Variants in LPP observed in about 807,000 individuals in gnomAD.
LPP encodes the protein lipoma-preferred partner.
A neutral mutation model predicts 60.4 loss-of-function variants in LPP; 38 were observed. The ratio of observed to expected loss-of-function variants is 0.63; its 90% CI spans 0.49 to 0.83. The LOEUF (loss-of-function observed/expected upper bound fraction) is 0.83. Ranked by LOEUF, LPP falls within the 40% of genes least tolerant of loss-of-function variation. The probability of loss-of-function intolerance (pLI) is 0.00; values close to 1 mark genes in which losing one functional copy is unlikely to be tolerated. For synonymous variants in LPP, 328 were observed against 290.8 expected (o/e 1.13, Z -1.30); for missense variants, 902 against 783.6 (o/e 1.15, Z -1.80).
chr3:188,615,880 T>C (rs1192738327), intron 7 of LPP, among the ~76,000 whole-genome samples: 1 of 152,154 alleles, frequency 6.6e-6, no homozygotes, highest in African/African-American at 2.4e-5. Context: ...CGCATAAATG[T>C]CTTATTTTGG....
At chr3:188,815,474 C>T (rs1752206978) in intron 9 of LPP, among the ~76,000 whole-genome samples, 1 of 151,586 alleles carries the variant, frequency 6.6e-6, no homozygotes, top group Non-Finnish European at 1.5e-5. Context: ...ATAATATAAG[C>T]CTGGGCTTAA....
chr3:188,547,931 T>C (rs1264246331), intron 6 of LPP, among the ~76,000 whole-genome samples: 1 of 152,222 alleles, frequency 6.6e-6, no homozygotes, highest in Non-Finnish European at 1.5e-5. Flanking sequence ...GGCTTCTTCA[T>C]GTCTAGTGTT....
intron 2 of LPP, chr3:188,240,265 G>C (rs536994189): frequency 5.8e-6 from 1 of 172,342 alleles, no homozygotes; most frequent in Admixed American, 6.4e-5. Context: ...AGTAGTGAGG[G>C]GGAACATGGG....
chr3:188,882,415 C>A lies in LPP; in HGVS notation c.*7936C>A, dbSNP rs766161633. ...TGGGAAGAAAAAGGCATAGAGGAAG[C>A]CTGAGGAAGTATTTACTTGCTTTTC... On this transcript the variant is annotated 3_prime_UTR_variant, in exon 12 of 12. Coordinates refer to ENST00000617246, the MANE Select transcript of LPP (RefSeq NM_001375462.1). The A allele has an allele frequency of 4.0e-5, 9 of 226,708 alleles. No homozygotes were observed. The highest frequency in any genetic ancestry group is 7.0e-5 in the Non-Finnish European group (8 of 114,054). 14.0% of individuals were successfully genotyped at this position (226,708 alleles called of 1,614,324 possible). A position where few individuals can be genotyped will look rare whatever the true frequency, so the allele number is the denominator to read the frequency against.
chr3:188,554,403 A>G (rs914458466), intron 6 of LPP, among the ~76,000 whole-genome samples: 2 of 152,182 alleles, frequency 1.3e-5, no homozygotes, highest in Admixed American at 1.3e-4. Context: ...CCAAAAGAAT[A>G]TTTTTGAACA....
intron 5 of LPP, among the ~76,000 whole-genome samples, chr3:188,505,653 C>A (rs1347205257): frequency 6.6e-6 from 1 of 152,156 alleles, no homozygotes; most frequent in Admixed American, 6.5e-5. Context: ...TCTAGTCTTG[C>A]CAACTAAATC....
chr3:188,628,178 C>A (rs755782659), intron 7 of LPP, among the ~76,000 whole-genome samples: 8 of 152,086 alleles, frequency 5.3e-5, no homozygotes, highest in Non-Finnish European at 1.0e-4. Context: ...CCTAACATCA[C>A]ACCTAGAGGA....
At chr3:188,473,392 T>A (rs564584919) in intron 4 of LPP, among the ~76,000 whole-genome samples, 1 of 152,346 alleles carries the variant, frequency 6.6e-6, no homozygotes, top group South Asian at 2.1e-4. Flanking sequence ...TATTGCCTTG[T>A]CACCTTAGTC....
intron 8 of LPP, among the ~76,000 whole-genome samples, chr3:188,732,642 C>T (rs144256431): frequency 0.012 from 1,660 of 143,176 alleles, 32 homozygotes; most frequent in African/African-American, 0.037. Context: ...CGCTTGAACC[C>T]GTGAGGCGGA....
chr3:188,760,431 T>TGTGTGTGC, intron 9 of LPP, 149 bp downstream of exon 9: 1 of 735,204 alleles, frequency 1.4e-6, no homozygotes, highest in Admixed American at 2.8e-5. Context: ...TGTGTGTGTG[T>TGTGTGTGC]GTGTGCGTGC....
At chr3:188,406,016 G>T in intron 3 of LPP, 96 bp from the exon 4 acceptor site, 2 of 980,742 alleles carry the variant, frequency 2.0e-6, no homozygotes, top group Non-Finnish European at 1.5e-6. Flanking sequence ...TTATCAGGAT[G>T]CATTTAGTAT....
intron 7 of LPP, among the ~76,000 whole-genome samples, chr3:188,704,707 T>C (rs114912040): frequency 2.0e-3 from 302 of 152,280 alleles, no homozygotes; most frequent in Non-Finnish European, 3.6e-3. Context: ...CCGTGGTCTG[T>C]GAACTTCTTG....
Position 188,735,813 on chromosome 3 carries a change from G to A in LPP, c.1241-24300G>A, listed in dbSNP as rs910584272. Among the ~76,000 whole-genome samples the A allele has an allele frequency of 8.5e-5, 13 of 152,170 alleles. No homozygotes were observed. The East Asian group carries it at 2.1e-3, about 25-fold the overall frequency. On this transcript the variant is annotated intron_variant, in intron 8 of 11. Coordinates refer to ENST00000617246, the MANE Select transcript of LPP (RefSeq NM_001375462.1). Reference sequence around the variant, plus strand: ...GTTGTGTGTCTAAACAAGTGACAACGGGGCTGGGCAGCAAAACTAGACATG... The same window carrying A: ...GTTGTGTGTCTAAACAAGTGACAACAGGGCTGGGCAGCAAAACTAGACATG...
chr3:188,668,983 A>G (rs1202494339), intron 7 of LPP, among the ~76,000 whole-genome samples: 1 of 152,148 alleles, frequency 6.6e-6, no homozygotes, highest in Non-Finnish European at 1.5e-5. Flanking sequence ...TTATTGAATG[A>G]TCATTATTTG....
chr3:188,635,091 T>C (rs984253850), intron 7 of LPP, among the ~76,000 whole-genome samples: 2 of 152,176 alleles, frequency 1.3e-5, no homozygotes, highest in Non-Finnish European at 2.9e-5. Flanking sequence ...AAAATAATTC[T>C]TGTTGTGAGT....
At chr3:188,723,901 A>G (rs943593056) in intron 8 of LPP, among the ~76,000 whole-genome samples, 7 of 152,152 alleles carry the variant, frequency 4.6e-5, no homozygotes. Context: ...ATGGGAGAGC[A>G]CATCTTTCTT....
chr3:188,804,596 G>A (rs1171308782), intron 9 of LPP, among the ~76,000 whole-genome samples: 1 of 151,738 alleles, frequency 6.6e-6, no homozygotes, highest in African/African-American at 2.4e-5. Context: ...ATCTGCACTT[G>A]TACCCCCAAA....
intron 2 of LPP, among the ~76,000 whole-genome samples, chr3:188,267,097 G>T (rs1267164444): frequency 6.6e-6 from 1 of 152,130 alleles, no homozygotes; most frequent in African/African-American, 2.4e-5. Context: ...AGCGTACCTG[G>T]GTGTGAGAAC....
At chr3:188,543,770 T>C (rs1422959467) in intron 6 of LPP, among the ~76,000 whole-genome samples, 3 of 152,180 alleles carry the variant, frequency 2.0e-5, no homozygotes, top group African/African-American at 4.8e-5. Flanking sequence ...AGTCTGTTTG[T>C]TTGAAGTAAG....
Sources: gnomAD v4.1 joint callset for allele counts (sites outside exome capture counted in the v4.1 genomes callset) on GRCh38, gnomAD v4.1.1 for gene constraint, MANE v1.5 for transcripts, NCBI Gene and HGNC (gene_info 2026-07-23, HGNC 2026-07-21) for gene names.